NEB: variants seen among roughly 807,000 people sequenced by gnomAD.
The protein encoded by NEB is nemaline myopathy type 2.
A neutral mutation model predicts 952.2 loss-of-function variants in NEB; 512 were observed. The ratio of observed to expected loss-of-function variants is 0.54; its 90% CI spans 0.50 to 0.58. The LOEUF (loss-of-function observed/expected upper bound fraction) is 0.58, where lower values mean the gene tolerates loss of function less well. NEB is among the 20% of genes least tolerant of loss of function. NEB has a pLI of 0.00. For missense variants in NEB, 8,428 were observed against 9,231.1 expected, an observed-to-expected ratio of 0.91 and a Z score of 3.56; for synonymous variants, 2,900 against 3,149.8, an observed-to-expected ratio of 0.92 and a Z score of 2.66.
In NEB at chr2:151,691,961, T is replaced by C. The variant is rs769262056; in HGVS notation, c.2114A>G (p.Tyr705Cys). ...KVAAQNSDKS[Y>C]KAEYEEDKGK... ...TTTATCTTCTTCATATTCTGCTTTG[T>C]AACTTTTCTATAATGAGAAAAACCA... The change falls in exon 23 of 182, where the codon TAC becomes TGC. Residue 705 changes from tyrosine (Y) to cysteine (C), a missense_variant. By Grantham distance (194) the Tyr-to-Cys change is radical (BLOSUM62 -2). This residue lies in a region of NEB where 2,851 missense variants were observed against 2,791.5 expected (regional missense o/e 1.02). Transcript: ENST00000397345. 6.2e-7 allele frequency: 1 copy of C among 1,611,842 alleles called. No individual in the cohort carries two copies. The highest frequency in any genetic ancestry group is 1.7e-5 in the Admixed American group (1 of 59,740).
intron 34 of NEB, among the ~76,000 whole-genome samples, chr2:151,676,268 C>G (rs1231441851): frequency 1.3e-5 from 2 of 152,184 alleles, no homozygotes; most frequent in Non-Finnish European, 2.9e-5. Context: ...AGAACAATAT[C>G]TAAGCAATGA....
In NEB at chr2:151,640,498, C is replaced by G; in HGVS notation, c.8542G>C (p.Asp2848His). 6.2e-7 allele frequency: 1 copy of G among 1,613,906 alleles called. No homozygotes were observed. The highest frequency in any genetic ancestry group is 1.6e-4 in the Middle Eastern group (1 of 6,062). ...TTGGCCAGCACCACCCCCAGCATGT[C>G]CACTGGGCTGCTGAACTTGGTCTTC... Reference protein sequence around the residue: ...KWKTKFSSPVDMLGVVLAKKC... With the variant: ...KWKTKFSSPVHMLGVVLAKKC... The change falls in exon 61 of 182, where the codon GAC becomes CAC. Residue 2848 changes from aspartate (D) to histidine (H), a missense_variant. Physicochemically the swap from Asp to His is moderately conservative, Grantham distance 81. This residue lies in a region of NEB where 1,772 missense variants were observed against 1,960.3 expected (regional missense o/e 0.90). Coordinates refer to ENST00000397345, the MANE Select transcript of NEB (RefSeq NM_001164508.2).
chr2:151,604,900 G>A, intron 84 of NEB, 29 bp from the exon 85 acceptor site: 1 of 441,832 alleles, frequency 2.3e-6, no homozygotes, highest in Non-Finnish European at 3.9e-6. Context: ...ATATTAAAAA[G>A]ACATATGAAA....
In NEB at chr2:151,718,752, C is replaced by T. The variant is rs544106474; in HGVS notation, c.718-1232G>A. On this transcript the variant is annotated intron_variant, in intron 9 of 181. Transcript: ENST00000397345. ...TCCTTCTTCATTAGCTCCTTCCCTT[C>T]AGCCTATAAAAGACTTCTATCACCT... Among the ~76,000 whole-genome samples, 4 of 152,338 alleles carry T rather than the reference C, an allele frequency of 2.6e-5. No homozygotes were observed. The East Asian group carries it at 7.7e-4, about 29-fold the overall frequency.
chr2:151,495,918 AAG>A (rs999597063), intron 173 of NEB, among the ~76,000 whole-genome samples: 2 of 152,194 alleles, frequency 1.3e-5, no homozygotes, highest in South Asian at 2.1e-4. Flanking sequence ...ATATTTAAGA[AAG>A]AGCCGCATTG....
chr2:151,688,733 A>G (rs920680563), intron 24 of NEB, among the ~76,000 whole-genome samples: 2 of 152,194 alleles, frequency 1.3e-5, no homozygotes, highest in Non-Finnish European at 2.9e-5. Flanking sequence ...GATTAACAAC[A>G]ATAACTAATA....
chr2:151,647,515 C>A (rs117864132), intron 54 of NEB, among the ~76,000 whole-genome samples: 2 of 152,212 alleles, frequency 1.3e-5, no homozygotes, highest in East Asian at 1.9e-4. Flanking sequence ...CTCAACAGTA[C>A]AGCAACCTGG....
chr2:151,563,913 C>G lies in NEB; in HGVS notation c.18489G>C (p.Ala6163=), dbSNP rs371669095. The G allele has an allele frequency of 1.2e-6, 2 of 1,608,924 alleles. No individual in the cohort carries two copies. Among genetic ancestry groups the G allele is most frequent in the Non-Finnish European group, 1.7e-6 (2 of 1,177,426 alleles). The part of the protein sequence containing the change: ...KLYSTILYKG[A]WEGTKAYGYT... ...AGCCATAGGCCTTGGTGCCCTCCCACGCCCCTTTATACAGTATCTAGAACA... is the reference window on the plus strand; with the variant it reads ...AGCCATAGGCCTTGGTGCCCTCCCAGGCCCCTTTATACAGTATCTAGAACA... Residue 6163 remains alanine (A), a synonymous_variant, in exon 118 of 182, where the codon GCG becomes GCC. Coordinates refer to ENST00000397345, the MANE Select transcript of NEB (RefSeq NM_001164508.2).
chr2:151,562,793 G>C lies in NEB; in HGVS notation c.18709C>G (p.His6237Asp), dbSNP rs750141196. The C allele has an allele frequency of 1.5e-5, 24 of 1,566,618 alleles. No individual in the cohort carries two copies. The highest frequency in any genetic ancestry group is 2.0e-5 in the Non-Finnish European group (23 of 1,152,990). The stretch of plus-strand genomic sequence containing the variant: ...ACATTTGCTTTGGTATCCTCATAAT[G>C]TTTTCTGTAGTTCAACTAATATGTT... ...KMRSALNYRK[H>D]YEDTKANVHI... The change falls in exon 120 of 182, where the codon CAT becomes GAT. Residue 6237 changes from histidine to aspartate, a missense_variant. Coordinates refer to ENST00000397345, the MANE Select transcript of NEB (RefSeq NM_001164508.2).
intron 178 of NEB, 22 bp from the exon 179 acceptor site, chr2:151,491,797 A>G (rs1453455817): frequency 6.5e-7 from 1 of 1,539,246 alleles, no homozygotes; most frequent in Non-Finnish European, 8.8e-7. Flanking sequence ...ACCAGTGATC[A>G]GAACAAGTGT....
rs778037677 is a variant in NEB at position 151,662,089 on chromosome 2, G to A, written c.5970+46C>T. ...GTGGATTAAATGTAAATTATACCTG[G>A]ATTCTCTCTGATGCATATGAAACAC... On this transcript the variant is annotated intron_variant, in intron 46 of 181. Coordinates refer to ENST00000397345, the MANE Select transcript of NEB (RefSeq NM_001164508.2). 7.4e-6 allele frequency: 11 copies of A among 1,494,536 alleles called. No individual in the cohort carries two copies. The South Asian group carries it at 1.4e-4, about 19-fold the overall frequency. 92.6% of individuals were successfully genotyped at this position (1,494,536 alleles called of 1,614,324 possible). A position where few individuals can be genotyped will look rare whatever the true frequency, so the allele number is the denominator to read the frequency against.
chr2:151,655,297 G>A lies in NEB; in HGVS notation c.6780C>T (p.Ala2260=), dbSNP rs546132354. The A allele has an allele frequency of 5.0e-6, 8 of 1,591,364 alleles. No individual in the cohort carries two copies. The highest frequency in any genetic ancestry group is 1.1e-5 in the South Asian group (1 of 89,426). The change falls in exon 51 of 182, where the codon GCC becomes GCT. Residue 2260 remains alanine, a synonymous_variant. Coordinates refer to ENST00000397345, the MANE Select transcript of NEB (RefSeq NM_001164508.2). ...GACTATACAGTGTTTGATTCTGCTT[G>A]GCTTGTAAAATATCTGGTGTATCAG... ...VMPDTPDILQ[A]KQNQTLYSQK...
chr2:151,533,817 C>T (rs1362710297), intron 142 of NEB, among the ~76,000 whole-genome samples: 1 of 152,218 alleles, frequency 6.6e-6, no homozygotes, highest in African/African-American at 2.4e-5. Flanking sequence ...GAAAAGAAGA[C>T]ATCTTTGGAA....
chr2:151,488,498 T>A (rs1368741940), intron 181 of NEB, among the ~76,000 whole-genome samples: 2 of 147,816 alleles, frequency 1.4e-5, no homozygotes, highest in African/African-American at 2.5e-5. Flanking sequence ...AAAAAAAAAA[T>A]TAGCCTAGAA....
intron 6 of NEB, among the ~76,000 whole-genome samples, 157 bp downstream of exon 6, chr2:151,725,296 C>G (rs185991970): frequency 6.6e-6 from 1 of 152,206 alleles, no homozygotes; most frequent in African/African-American, 2.4e-5. Context: ...TTCACATTTA[C>G]AGCAACATGA....
In NEB at chr2:151,680,725, C is replaced by T. The variant is rs749120253; in HGVS notation, c.3042+5G>A. Reference sequence around the variant, plus strand: ...TATTAACATATAGATAGCATTAACACTTACATCACTCCTCTGGGCCTGGTT... The same window carrying T: ...TATTAACATATAGATAGCATTAACATTTACATCACTCCTCTGGGCCTGGTT... On this transcript the variant is annotated splice_donor_5th_base_variant and intron_variant, in intron 30 of 181. Transcript: ENST00000397345. 1.3e-6 allele frequency: 2 copies of T among 1,566,354 alleles called. No homozygotes were observed. The highest frequency in any genetic ancestry group is 8.8e-7 in the Non-Finnish European group (1 of 1,139,464).
In NEB at chr2:151,663,635, G is replaced by C; in HGVS notation, c.5676C>G (p.Asn1892Lys). The change falls in exon 45 of 182, where the codon AAC becomes AAG. Residue 1892 changes from asparagine (N) to lysine (K), a missense_variant. By Grantham distance (94) the Asn-to-Lys change is moderately conservative (BLOSUM62 0). Around this residue, in one of 11 missense-constraint regions of NEB, gnomAD observed 2,851 missense variants for 2,791.5 expected, o/e 1.02. Transcript: ENST00000397345. The stretch of plus-strand genomic sequence containing the variant: ...TGTAGGTATGGATCACGTTCCTGTA[G>C]TTGGCATTGGTGGCCACTTCCTGAG... ...KKSQEVATNA[N>K]YRNVIHTYNM... is the part of the protein sequence containing the mutation. The C allele has an allele frequency of 6.2e-7, 1 of 1,613,832 alleles. No homozygotes were observed. Among genetic ancestry groups the C allele is most frequent in the South Asian group, 1.1e-5 (1 of 91,084 alleles).
Position 151,636,141 on chromosome 2 carries a change from C to T in NEB, c.9102+86G>A, listed in dbSNP as rs908397850. ...TATATCAGGATATATTTTCAAAGGT[C>T]CAGGAAAAGTTCTTTTCTAAGATTT... On this transcript the variant is annotated intron_variant, in intron 64 of 181. Transcript: ENST00000397345. 1.1e-5 allele frequency: 12 copies of T among 1,133,486 alleles called. No homozygotes were observed. In the Admixed American group the frequency reaches 2.0e-4, roughly 19 times the overall value. The allele number at this position is 1,133,486 out of a possible 1,614,324, so 70.2% of individuals were successfully genotyped here. A position where few individuals can be genotyped will look rare whatever the true frequency, so the allele number is the denominator to read the frequency against.
At chr2:151,725,243 T>G (rs1162207728) in intron 6 of NEB, among the ~76,000 whole-genome samples, 1 of 152,238 alleles carries the variant, frequency 6.6e-6, no homozygotes, top group Non-Finnish European at 1.5e-5. Flanking sequence ...TAGTCTCCTC[T>G]TAAGCTAAGT....
Sources: gnomAD v4.1 joint callset for allele counts (sites outside exome capture counted in the v4.1 genomes callset) on GRCh38, gnomAD v4.1.1 for gene constraint, gnomAD v4.1.1 regional missense constraint, MANE v1.5 for transcripts, NCBI Gene and HGNC (gene_info 2026-07-23, HGNC 2026-07-21) for gene names.